The following RASGRP4 variants were observed in gnomAD, a reference collection of about 807,000 sequenced individuals.
RASGRP4 encodes the protein RAS guanyl-releasing protein 4.
In RASGRP4, 52 loss-of-function variants were observed where a neutral mutation model predicts 84.4. The observed-to-expected ratio is 0.62, with a 90% CI of 0.49 to 0.78. The LOEUF (loss-of-function observed/expected upper bound fraction) is 0.78. Ranked by LOEUF, RASGRP4 falls within the 30% of genes least tolerant of loss-of-function variation. The pLI is 0.00. For synonymous variants in RASGRP4, 356 were observed against 359.1 expected, an observed-to-expected ratio of 0.99 and a Z score of 0.10; for missense variants, 760 against 886.9, an observed-to-expected ratio of 0.86 and a Z score of 1.82.
At chr19:38,416,463 CAAAAAAAAAAAAAAAA>C (rs765219678) in intron 8 of RASGRP4, among the ~76,000 whole-genome samples, 1 of 58,666 alleles carries the variant, frequency 1.7e-5, no homozygotes, top group Non-Finnish European at 3.8e-5. Context: ...GACTCTGTCT[CAAAAAAAAAAAAAAAA>C]AAAAAAAAAA....
intron 1 of RASGRP4, 83 bp downstream of exon 1, chr19:38,425,986 C>T (rs1971977035): frequency 8.4e-7 from 1 of 1,193,244 alleles, no homozygotes. Context: ...AATCCTGCCA[C>T]CCTGGCGAGT....
chr19:38,425,964 A>G, intron 1 of RASGRP4, 105 bp downstream of exon 1: 1 of 1,014,684 alleles, frequency 9.9e-7, no homozygotes, highest in Non-Finnish European at 1.3e-6. Context: ...GCCTGATCCC[A>G]AAGAAGTCAG....
chr19:38,413,125 C>G lies in RASGRP4; in HGVS notation c.1416+68G>C. ...CCCCATGGCCATAAGTCCCCACCTC[C>G]AGGCTCAGGGTTCTACAGATGTCTT... On this transcript the variant is annotated intron_variant, in intron 11 of 16. Transcript: ENST00000615439. The surrounding 1 kb of genome is among the most constrained non-coding windows in gnomAD (Gnocchi z 4.7). 11 of 1,580,238 alleles carry G rather than the reference C, an allele frequency of 7.0e-6. No homozygotes were observed. The highest frequency in any genetic ancestry group is 8.7e-6 in the Non-Finnish European group (10 of 1,149,692).
Position 38,413,450 on chromosome 19 carries a change from C to T in RASGRP4, c.1255G>A (p.Glu419Lys), listed in dbSNP as rs1400890346. The change falls in exon 10 of 17, where the codon GAA becomes AAA. Residue 419 changes from glutamate to lysine, a missense_variant. Transcript: ENST00000615439. The surrounding 1 kb of genome is among the most constrained non-coding windows in gnomAD (Gnocchi z 4.7). ...LTLSLDLFYT[E>K]DEIYELSYAR... ...TAAGAAAGCTCATAGATCTCGTCTT[C>T]CGTGTAGAAGAGGTCCAGGGAGAGC... The T allele has an allele frequency of 6.2e-7, 1 of 1,602,128 alleles. No homozygotes were observed.
chr19:38,416,399 G>T (rs938058202), intron 8 of RASGRP4, among the ~76,000 whole-genome samples: 5 of 147,792 alleles, frequency 3.4e-5, no homozygotes, highest in African/African-American at 1.3e-4. Context: ...GGAGGCAGAG[G>T]TTGCAGTGAG....
intron 4 of RASGRP4, among the ~76,000 whole-genome samples, chr19:38,420,559 CG>C (rs1971699775): frequency 7.0e-6 from 1 of 143,630 alleles, no homozygotes; most frequent in Admixed American, 7.0e-5. Context: ...TGGGGGCTTC[CG>C]GGGGTGAAAT....
At chr19:38,426,005 C>T (rs1971977898) in intron 1 of RASGRP4, 64 bp downstream of exon 1, 2 of 1,292,754 alleles carry the variant, frequency 1.5e-6, no homozygotes, top group South Asian at 2.1e-5. Context: ...GTGATCTCCC[C>T]AGCCCTCCCA....
In RASGRP4 at chr19:38,417,952, G is replaced by T; in HGVS notation, c.837+439C>A. Among the ~76,000 whole-genome samples the T allele has an allele frequency of 6.6e-6, 1 of 151,950 alleles. No homozygotes were observed. Among genetic ancestry groups the T allele is most frequent in the African/African-American group, 2.4e-5 (1 of 41,376 alleles). ...AGGTGTCCGGAAAGGAGGGGGAAGGGAGGGGAAGAGAAGGGCGTAACACAA... is the reference window on the plus strand; with the variant it reads ...AGGTGTCCGGAAAGGAGGGGGAAGGTAGGGGAAGAGAAGGGCGTAACACAA... On this transcript the variant is annotated intron_variant, in intron 7 of 16. Coordinates refer to ENST00000615439, the MANE Select transcript of RASGRP4 (RefSeq NM_170604.3). The surrounding 1 kb of genome is among the most constrained non-coding windows in gnomAD (Gnocchi z 5.1).
chr19:38,410,983 T>C lies in RASGRP4; in HGVS notation c.1868A>G (p.His623Arg). The change falls in exon 16 of 17, where the codon CAC becomes CGC. Residue 623 changes from histidine (H) to arginine (R), a missense_variant. His to Arg is a conservative substitution (Grantham distance 29). Coordinates refer to ENST00000615439, the MANE Select transcript of RASGRP4 (RefSeq NM_170604.3). ...AGGCTCCAGGGATAGCGTGTAGGAG[T>C]GATTTTCCTCGGAGCCTGTTTGTGG... The part of the protein sequence containing the change: ...PHASCGSEEN[H>R]SYTLSLEPET... The C allele has an allele frequency of 6.2e-7, 1 of 1,601,502 alleles. No homozygotes were observed. Among genetic ancestry groups the C allele is most frequent in the Non-Finnish European group, 8.5e-7 (1 of 1,174,248 alleles).
chr19:38,416,513 A>G (rs1016387645), intron 8 of RASGRP4, among the ~76,000 whole-genome samples: 4 of 149,410 alleles, frequency 2.7e-5, no homozygotes, highest in Non-Finnish European at 4.4e-5. Context: ...GGGTCTCGCT[A>G]TGTTGCCCAG....
intron 4 of RASGRP4, 31 bp from the exon 5 acceptor site, chr19:38,420,293 G>A: frequency 6.2e-7 from 1 of 1,605,078 alleles, no homozygotes; most frequent in Non-Finnish European, 8.5e-7. Context: ...GTGAGATGAG[G>A]CCGGGGGTGG....
At chr19:38,426,005 C>G in intron 1 of RASGRP4, 64 bp downstream of exon 1, 1 of 1,292,872 alleles carries the variant, frequency 7.7e-7, no homozygotes, top group Non-Finnish European at 1.0e-6. Context: ...GTGATCTCCC[C>G]AGCCCTCCCA....
At position 38,412,083 on chromosome 19, in the gene RASGRP4, TTTGTTGTTGTTGTTG is replaced by T. The variant is rs56791891; in HGVS notation, c.1680+574_1680+588del. 6.0e-3 allele frequency among the ~76,000 whole-genome samples: 776 copies of T among 128,776 alleles called. 7 individuals are homozygous for T. Among genetic ancestry groups the T allele is most frequent in the African/African-American group, 0.024 (690 of 28,920 alleles). 84.5% of individuals were successfully genotyped at this position (128,776 alleles called of 152,430 possible). On this transcript the variant is annotated intron_variant, in intron 13 of 16. Coordinates refer to ENST00000615439, the MANE Select transcript of RASGRP4 (RefSeq NM_170604.3). This position sits in a 1 kb window ranked among gnomAD's most constrained non-coding sequence, Gnocchi z 4.6. ...CTACCCGGTTTGGAGATTATCCAGG[TTTGTTGTTGTTGTTG>T]TTGTTGTTGTTGTTGTTGTTGTTGT...
In RASGRP4 at chr19:38,413,445, G is replaced by A. The variant is rs370084081; in HGVS notation, c.1260C>T (p.Asp420=). 508 of 1,603,130 alleles carry A rather than the reference G, an allele frequency of 3.2e-4. No homozygotes were observed. Among genetic ancestry groups the A allele is most frequent in the Non-Finnish European group, 3.7e-4 (439 of 1,174,890 alleles). Residue 420 remains aspartate (D), a synonymous_variant, in exon 10 of 17, where the codon GAC becomes GAT. Transcript: ENST00000615439. This position sits in a 1 kb window ranked among gnomAD's most constrained non-coding sequence, Gnocchi z 4.7. ...GGGCATAAGAAAGCTCATAGATCTC[G>A]TCTTCCGTGTAGAAGAGGTCCAGGG... The part of the protein sequence containing the change: ...TLSLDLFYTE[D]EIYELSYARE...
chr19:38,410,812 T>C, intron 16 of RASGRP4, 74 bp downstream of exon 16: 1 of 1,084,596 alleles, frequency 9.2e-7, no homozygotes, highest in Non-Finnish European at 1.4e-6. Flanking sequence ...GGTCTCCAAA[T>C]CTGTCCAGTC....
Position 38,412,958 on chromosome 19 carries a change from T to A in RASGRP4, c.1508A>T (p.His503Leu), listed in dbSNP as rs1476979674. ...CTGGCGTGGGGGTGGGTGAAGCCCATGGCAGGCGAAGGGAAAATTGCCCGA... is the reference window on the plus strand; with the variant it reads ...CTGGCGTGGGGGTGGGTGAAGCCCAAGGCAGGCGAAGGGAAAATTGCCCGA... ...RLSGNFPFACHGLHPPPRQGR... is the reference protein window; with the variant it reads ...RLSGNFPFACLGLHPPPRQGR... Residue 503 changes from histidine (H) to leucine (L), a missense_variant, in exon 12 of 17, where the codon CAT becomes CTT. Physicochemically the swap from His to Leu is moderately conservative, Grantham distance 99. Coordinates refer to ENST00000615439, the MANE Select transcript of RASGRP4 (RefSeq NM_170604.3). This position sits in a 1 kb window ranked among gnomAD's most constrained non-coding sequence, Gnocchi z 4.6. 1.4e-5 allele frequency: 22 copies of A among 1,613,864 alleles called. No homozygotes were observed. The highest frequency in any genetic ancestry group is 1.9e-5 in the Non-Finnish European group (22 of 1,179,870).
rs761380367 is a variant in RASGRP4, at chr19:38,417,552, G to T, written c.838-384C>A. Among the ~76,000 whole-genome samples, 17 of 152,174 alleles carry T rather than the reference G, an allele frequency of 1.1e-4. No individual in the cohort carries two copies. Among genetic ancestry groups the T allele is most frequent in the Non-Finnish European group, 1.8e-4 (12 of 68,028 alleles). On this transcript the variant is annotated intron_variant, in intron 7 of 16. Transcript: ENST00000615439. This position sits in a 1 kb window ranked among gnomAD's most constrained non-coding sequence, Gnocchi z 5.1. ...CTGCTCTGAGAGTCACACAGGTGCGGGGAGGCAAGAAGGTGCAGGCTCTGG... is the reference window on the plus strand; with the variant it reads ...CTGCTCTGAGAGTCACACAGGTGCGTGGAGGCAAGAAGGTGCAGGCTCTGG...
intron 14 of RASGRP4, 30 bp from the exon 15 acceptor site, chr19:38,411,279 C>G (rs1418634253): frequency 6.2e-7 from 1 of 1,613,372 alleles, no homozygotes; most frequent in African/African-American, 1.3e-5. Flanking sequence ...GGGGTCCGAT[C>G]TGTGTCATCC....
chr19:38,414,676 G>C (rs969210522), intron 9 of RASGRP4, among the ~76,000 whole-genome samples, 172 bp downstream of exon 9: 5 of 152,336 alleles, frequency 3.3e-5, no homozygotes, highest in Admixed American at 1.3e-4. Flanking sequence ...AGGCTTAAGG[G>C]TTCAGTGACT....
Sources: gnomAD v4.1 joint callset for allele counts (sites outside exome capture counted in the v4.1 genomes callset) on GRCh38, gnomAD v4.1.1 for gene constraint, Gnocchi (gnomAD v3.1) non-coding constraint, MANE v1.5 for transcripts, NCBI Gene and HGNC (gene_info 2026-07-23, HGNC 2026-07-21) for gene names.